WDR59: variants seen among roughly 807,000 people sequenced by gnomAD.
WDR59 encodes GATOR2 complex protein WDR59.
In WDR59, 100 loss-of-function variants were observed where a neutral mutation model predicts 131.2. The ratio of observed to expected loss-of-function variants is 0.76; its 90% CI spans 0.65 to 0.90. The LOEUF is 0.90. Among genes scored for constraint, WDR59 ranks in the 40% least tolerant of loss-of-function variants. The pLI is 0.00. For synonymous variants in WDR59, 601 were observed against 466.2 expected, an observed-to-expected ratio of 1.29 and a Z score of -3.72; for missense variants, 1,203 against 1,262.2, an observed-to-expected ratio of 0.95 and a Z score of 0.71.
At chr16:74,924,432 A>G (rs2030575141) in intron 8 of WDR59, among the ~76,000 whole-genome samples, 3 of 152,178 alleles carry the variant, frequency 2.0e-5, no homozygotes, top group Admixed American at 2.0e-4. Flanking sequence ...TAACAACCAT[A>G]TATGTTATTA....
At chr16:74,974,225 C>T (rs568678663) in intron 1 of WDR59, among the ~76,000 whole-genome samples, 18 of 152,240 alleles carry the variant, frequency 1.2e-4, no homozygotes, top group Admixed American at 3.3e-4. Context: ...GAAACAGTCT[C>T]ACTTTCCCAC....
intron 18 of WDR59, among the ~76,000 whole-genome samples, chr16:74,898,303 C>T (rs972434257): frequency 3.9e-5 from 6 of 151,994 alleles, no homozygotes; most frequent in African/African-American, 9.7e-5. Context: ...CCCACTCTGA[C>T]GGGCTTAAAT....
chr16:74,891,656 C>T (rs1170435359), intron 20 of WDR59, among the ~76,000 whole-genome samples: 1 of 152,250 alleles, frequency 6.6e-6, no homozygotes, highest in African/African-American at 2.4e-5. Context: ...GGTGTGGTGG[C>T]TCACGCCTGT....
chr16:74,944,639 C>T (rs1202964311), intron 6 of WDR59, among the ~76,000 whole-genome samples: 1 of 151,866 alleles, frequency 6.6e-6, no homozygotes, highest in Non-Finnish European at 1.5e-5. Flanking sequence ...CAGGCAGTAC[C>T]CGAGGCTGTA....
In WDR59 at chr16:74,920,068, C is replaced by CA. The variant is rs71378717; in HGVS notation, c.886+1878dup. Among the ~76,000 whole-genome samples the CA allele has an allele frequency of 2.7e-3, 329 of 120,820 alleles. 1 individual carries two copies. Among genetic ancestry groups the CA allele is most frequent in the South Asian group, 5.2e-3 (20 of 3,844 alleles). 79.3% of individuals were successfully genotyped at this position (120,820 alleles called of 152,430 possible). A position where few individuals can be genotyped will look rare whatever the true frequency, so the allele number is the denominator to read the frequency against. Reference sequence around the variant, plus strand: ...TGGGTGACAGAGCGAGACCCTATCTCAAAAAAAAAAAAAAAAAAAATTGAT... The same window carrying CA: ...TGGGTGACAGAGCGAGACCCTATCTCAAAAAAAAAAAAAAAAAAAAATTGAT... On this transcript the variant is annotated intron_variant, in intron 10 of 25. Coordinates refer to ENST00000262144, the MANE Select transcript of WDR59 (RefSeq NM_030581.4).
chr16:74,984,207 G>A (rs2034536438), intron 1 of WDR59, among the ~76,000 whole-genome samples: 1 of 152,064 alleles, frequency 6.6e-6, no homozygotes, highest in Admixed American at 6.6e-5. Flanking sequence ...AATCCCGGAG[G>A]CGGAGGTTGC....
rs1229167729 is a variant in WDR59 at position 74,949,791 on chromosome 16, C to A, written c.334G>T (p.Asp112Tyr). 1 of 1,613,834 alleles carries A rather than the reference C, an allele frequency of 6.2e-7. No homozygotes were observed. Among genetic ancestry groups the A allele is most frequent in the Non-Finnish European group, 8.5e-7 (1 of 1,179,840 alleles). The change falls in exon 5 of 26, where the codon GAC becomes TAC. Residue 112 changes from aspartate (D) to tyrosine (Y), a missense_variant. Asp to Tyr is a radical substitution (Grantham distance 160). Coordinates refer to ENST00000262144, the MANE Select transcript of WDR59 (RefSeq NM_030581.4). ...AGGTCAGGCTCAAACACCGCCCAGT[C>A]CAAGTCGCTGGGACACAAAGAATAA... ...QGHTRVISDL[D>Y]WAVFEPDLLV...
At chr16:74,969,758 C>A (rs954902950) in intron 1 of WDR59, among the ~76,000 whole-genome samples, 2 of 151,748 alleles carry the variant, frequency 1.3e-5, no homozygotes, top group African/African-American at 4.8e-5. Flanking sequence ...TAGGGTTTCA[C>A]CATGTTTCCC....
chr16:74,901,518 T>C (rs1393050469), intron 18 of WDR59, among the ~76,000 whole-genome samples: 3 of 151,648 alleles, frequency 2.0e-5, no homozygotes, highest in East Asian at 2.0e-4. Flanking sequence ...TGTACTCTTG[T>C]AGTTCTAGCT....
At chr16:74,927,683 A>ACAC (rs568799728) in intron 8 of WDR59, among the ~76,000 whole-genome samples, 13,845 of 118,092 alleles carry the variant, frequency 0.12, 844 homozygotes, top group Non-Finnish European at 0.17. Context: ...CTCTTTAAAA[A>ACAC]ACACACACAC....
At chr16:74,956,735 G>A in intron 2 of WDR59, 125 bp from the exon 3 acceptor site, 1 of 1,198,034 alleles carries the variant, frequency 8.3e-7, no homozygotes, top group African/African-American at 1.5e-5. Flanking sequence ...AACACACATG[G>A]CATTTATTTA....
At chr16:74,876,908 T>A (rs1166004874) in intron 25 of WDR59, among the ~76,000 whole-genome samples, 3 of 152,130 alleles carry the variant, frequency 2.0e-5, no homozygotes, top group Non-Finnish European at 4.4e-5. Context: ...CACACCTGGC[T>A]GCCTTTGGAA....
chr16:74,912,327 C>A lies in WDR59; in HGVS notation c.1260G>T (p.Val420=). 1 of 1,614,038 alleles carries A rather than the reference C, an allele frequency of 6.2e-7. No homozygotes were observed. Among genetic ancestry groups the A allele is most frequent in the Non-Finnish European group, 8.5e-7 (1 of 1,180,022 alleles). Reference sequence around the variant, plus strand: ...TCTTGACACGATGGTTGCTGCAGTGCACAGACACTGTGCAGCTCCTGTCTG... The same window carrying A: ...TCTTGACACGATGGTTGCTGCAGTGAACAGACACTGTGCAGCTCCTGTCTG... ...DAADRSCTVS[V]HCSNHRVKML... Residue 420 remains valine (V), a synonymous_variant, in exon 14 of 26, where the codon GTG becomes GTT. Transcript: ENST00000262144.
chr16:74,900,431 C>G (rs1401315623), intron 18 of WDR59, among the ~76,000 whole-genome samples: 1 of 152,172 alleles, frequency 6.6e-6, no homozygotes, highest in Non-Finnish European at 1.5e-5. Flanking sequence ...ATTCTATTAA[C>G]TTAAAGATCT....
intron 25 of WDR59, among the ~76,000 whole-genome samples, chr16:74,885,103 T>A (rs554893807): frequency 6.6e-6 from 1 of 152,306 alleles, no homozygotes; most frequent in Admixed American, 6.5e-5. Context: ...TGAAGAAATA[T>A]CCATCCCTCT....
intron 24 of WDR59, 128 bp downstream of exon 24, chr16:74,886,142 C>T: frequency 2.4e-6 from 3 of 1,230,502 alleles, no homozygotes; most frequent in Non-Finnish European, 3.3e-6. Flanking sequence ...CCCGCCACTG[C>T]ACTCCAACCT....
chr16:74,934,248 T>C (rs2031622523), intron 8 of WDR59, among the ~76,000 whole-genome samples: 1 of 152,178 alleles, frequency 6.6e-6, no homozygotes. Context: ...TCAATTTGGA[T>C]AGAAACATAT....
chr16:74,974,957 A>C (rs2034127599), intron 1 of WDR59, among the ~76,000 whole-genome samples: 1 of 152,176 alleles, frequency 6.6e-6, no homozygotes, highest in African/African-American at 2.4e-5. Flanking sequence ...CTTTTGCTGT[A>C]ATATGTAATG....
intron 25 of WDR59, among the ~76,000 whole-genome samples, chr16:74,875,203 C>G (rs1013435175): frequency 6.6e-6 from 1 of 152,236 alleles, no homozygotes; most frequent in Non-Finnish European, 1.5e-5. Flanking sequence ...GCCGCTCCAC[C>G]GCCGGGCGGG....
Sources: gnomAD v4.1 joint callset for allele counts (sites outside exome capture counted in the v4.1 genomes callset) on GRCh38, gnomAD v4.1.1 for gene constraint, MANE v1.5 for transcripts, NCBI Gene and HGNC (gene_info 2026-07-23, HGNC 2026-07-21) for gene names.